GRM4: variants seen among roughly 807,000 people sequenced by gnomAD.
GRM4 encodes glutamate metabotropic receptor 4, also known as metabotropic glutamate receptor 4.
A neutral mutation model predicts 81.7 loss-of-function variants in GRM4; 28 were observed. The ratio of observed to expected loss-of-function variants is 0.34; its 90% CI spans 0.25 to 0.47. The LOEUF is 0.47. Among genes scored for constraint, GRM4 ranks in the 20% least tolerant of loss-of-function variants. The probability of loss-of-function intolerance (pLI) is 1.00; values close to 1 mark genes in which losing one functional copy is unlikely to be tolerated. For missense variants in GRM4, 948 were observed against 1,290.0 expected, an observed-to-expected ratio of 0.73 and a Z score of 4.06; for synonymous variants, 488 against 528.8, an observed-to-expected ratio of 0.92 and a Z score of 1.06.
At chr6:34,137,298 G>A (rs1770499580) in intron 1 of GRM4, among the ~76,000 whole-genome samples, 1 of 152,248 alleles carries the variant, frequency 6.6e-6, no homozygotes, top group South Asian at 2.1e-4. Context: ...GACAGAGCCA[G>A]GCATGGAGGA....
intron 9 of GRM4, among the ~76,000 whole-genome samples, chr6:34,033,593 C>G (rs1215397675): frequency 6.6e-6 from 1 of 152,236 alleles, no homozygotes; most frequent in African/African-American, 2.4e-5. Context: ...CACCCCATCC[C>G]ATGGCTGCCT....
At chr6:34,073,060 A>G (rs1767064522) in intron 3 of GRM4, among the ~76,000 whole-genome samples, 3 of 135,866 alleles carry the variant, frequency 2.2e-5, no homozygotes, top group African/African-American at 8.2e-5. Context: ...ACATCACCAC[A>G]CAGATACACA....
chr6:34,036,583 C>A lies in GRM4; in HGVS notation c.1527G>T (p.Pro509=), dbSNP rs200709219. The A allele has an allele frequency of 3.8e-6, 6 of 1,580,224 alleles. No individual in the cohort carries two copies. In the African/African-American group the frequency reaches 8.1e-5, roughly 21 times the overall value. ...AGCGGGGCAGCTGCTGCCCGCTCCC[C>A]GGCCAGTGCATCCGCTCTATCTGGC... The part of the protein sequence containing the change: ...LHLRIERMHW[P]GSGQQLPRSI... The change falls in exon 9 of 11, where the codon CCG becomes CCT. Residue 509 remains proline, a synonymous_variant. Coordinates refer to ENST00000538487, the MANE Select transcript of GRM4 (RefSeq NM_000841.4). This position sits in a 1 kb window ranked among gnomAD's most constrained non-coding sequence, Gnocchi z 9.0.
At chr6:34,135,564 C>T (rs1268112496) in intron 1 of GRM4, among the ~76,000 whole-genome samples, 2 of 152,248 alleles carry the variant, frequency 1.3e-5, no homozygotes, top group Non-Finnish European at 2.9e-5. Context: ...TCCCCTGGAG[C>T]CAGGAGCCAG....
Position 34,115,477 on chromosome 6 carries a change from C to G in GRM4, c.519+17501G>C, listed in dbSNP as rs988379620. On this transcript the variant is annotated intron_variant, in intron 2 of 10. Transcript: ENST00000538487. The surrounding 1 kb of genome is among the most constrained non-coding windows in gnomAD (Gnocchi z 4.1). ...CACCCCCTGGGAAGCATAACCACCC[C>G]CAAGCCCAAATTGCTGCCCCTTCCC... 6.6e-6 allele frequency among the ~76,000 whole-genome samples: 1 copy of G among 152,230 alleles called. No individual in the cohort carries two copies. The highest frequency in any genetic ancestry group is 1.5e-5 in the Non-Finnish European group (1 of 68,032).
chr6:34,036,373 G>C lies in GRM4; in HGVS notation c.1737C>G (p.Ile579Met), dbSNP rs778302214. 1 of 1,612,704 alleles carries C rather than the reference G, an allele frequency of 6.2e-7. No individual in the cohort carries two copies. The highest frequency in any genetic ancestry group is 1.1e-5 in the South Asian group (1 of 91,028). ...NRTGCRPIPI[I>M]KLEWGSPWAV... ...CCCAGGGCGAGCCCCACTCAAGCTTGATGATGGGGATGGGCCGGCAGCCCG... is the reference window on the plus strand; with the variant it reads ...CCCAGGGCGAGCCCCACTCAAGCTTCATGATGGGGATGGGCCGGCAGCCCG... Residue 579 changes from isoleucine to methionine, a missense_variant, in exon 9 of 11, where the codon ATC (isoleucine) becomes ATG (methionine). Ile to Met is a conservative substitution (Grantham distance 10). Coordinates refer to ENST00000538487, the MANE Select transcript of GRM4 (RefSeq NM_000841.4). This position sits in a 1 kb window ranked among gnomAD's most constrained non-coding sequence, Gnocchi z 9.0.
intron 2 of GRM4, among the ~76,000 whole-genome samples, chr6:34,123,679 C>T (rs1769905841): frequency 1.3e-5 from 2 of 152,362 alleles, no homozygotes; most frequent in African/African-American, 4.8e-5. Context: ...TTCATCCTCA[C>T]AGCACCTATG....
intron 6 of GRM4, chr6:34,056,286 TCCACATCAACC>T (rs1765866696): frequency 1.9e-6 from 1 of 513,416 alleles, no homozygotes; most frequent in Non-Finnish European, 3.5e-6. Context: ...CCTAGGGCCG[TCCACATCAACC>T]CCGAGGCGGC....
intron 1 of GRM4, among the ~76,000 whole-genome samples, chr6:34,135,521 G>A (rs930482619): frequency 1.3e-5 from 2 of 152,226 alleles, no homozygotes; most frequent in Non-Finnish European, 2.9e-5. Context: ...AAGCCCCAGC[G>A]AAGCTGACAG....
chr6:34,040,358 G>A lies in GRM4; in HGVS notation c.1370-44C>T, dbSNP rs777225848. On this transcript the variant is annotated intron_variant, in intron 7 of 10. Transcript: ENST00000538487. The stretch of plus-strand genomic sequence containing the variant: ...GTCTTTGCAGAGCCTTTACCCAGAG[G>A]CAGGGCGGATGATGAGCCTGGGGCA... The A allele has an allele frequency of 1.3e-5, 21 of 1,604,730 alleles. No individual in the cohort carries two copies. In the South Asian group the frequency reaches 2.3e-4, roughly 18 times the overall value.
At position 34,133,279 on chromosome 6, in the gene GRM4, T is replaced by C. The variant is rs750173237; in HGVS notation, c.218A>G (p.Glu73Gly). Reference protein sequence around the residue: ...EGKPCGELKKEKGIHRLEAML... With the variant: ...EGKPCGELKKGKGIHRLEAML... ...GGCCTCCAGCCGGTGGATGCCCTTT[T>C]CCTTCTTAAGTTCTCCACAGGGCTT... is the stretch of plus-strand genomic sequence containing the variant. The change falls in exon 2 of 11, where the codon GAA (glutamate) becomes GGA (glycine). Residue 73 changes from glutamate (E) to glycine (G), a missense_variant. Glu to Gly is a moderately conservative substitution (Grantham distance 98). Transcript: ENST00000538487. The surrounding 1 kb of genome is among the most constrained non-coding windows in gnomAD (Gnocchi z 6.5). 6.2e-7 allele frequency: 1 copy of C among 1,614,142 alleles called. No individual in the cohort carries two copies. Among genetic ancestry groups the C allele is most frequent in the Non-Finnish European group, 8.5e-7 (1 of 1,180,020 alleles).
chr6:34,049,636 C>T (rs538956403), intron 6 of GRM4, among the ~76,000 whole-genome samples: 1 of 152,276 alleles, frequency 6.6e-6, no homozygotes, highest in South Asian at 2.1e-4. Flanking sequence ...TGCCTTCCTT[C>T]CCAGCCTGCT....
intron 3 of GRM4, among the ~76,000 whole-genome samples, chr6:34,071,658 GCA>G (rs1766874986): frequency 1.2e-4 from 1 of 8,620 alleles, no homozygotes. Flanking sequence ...CCATTCATCA[GCA>G]CACAGACGCA....
intron 9 of GRM4, 84 bp from the exon 10 acceptor site, chr6:34,028,450 C>T: frequency 2.1e-6 from 3 of 1,430,122 alleles, no homozygotes; most frequent in East Asian, 2.3e-5. Flanking sequence ...CAGGGACCCA[C>T]CCGGCATCCC....
intron 9 of GRM4, among the ~76,000 whole-genome samples, chr6:34,033,940 T>G (rs141052627): frequency 6.6e-6 from 1 of 152,168 alleles, no homozygotes; most frequent in East Asian, 1.9e-4. Context: ...GGTTTCACCA[T>G]GTTGGTCAGG....
rs1037610365 is a variant in GRM4, at chr6:34,044,163, C to T, written c.1169-3415G>A. On this transcript the variant is annotated intron_variant, in intron 6 of 10. Coordinates refer to ENST00000538487, the MANE Select transcript of GRM4 (RefSeq NM_000841.4). ...ACATACATACACATATATACACATA[C>T]ACACACATATACATACATACACATA... Among the ~76,000 whole-genome samples, 15 of 136,110 alleles carry T rather than the reference C, an allele frequency of 1.1e-4. 1 individual carries two copies. The highest frequency in any genetic ancestry group is 4.5e-4 in the South Asian group (2 of 4,412). The allele number at this position is 136,110 out of a possible 152,430, so 89.3% of individuals were successfully genotyped here.
In GRM4 at chr6:34,092,935, G is replaced by A. The variant is rs879452009; in HGVS notation, c.520-836C>T. Among the ~76,000 whole-genome samples the A allele has an allele frequency of 3.3e-5, 5 of 151,936 alleles. No individual in the cohort carries two copies. Among genetic ancestry groups the A allele is most frequent in the Non-Finnish European group, 4.4e-5 (3 of 67,950 alleles). Reference sequence around the variant, plus strand: ...GGAAGGGGTATGGTCCCTCCTCTCCGCCCCTCCCCTCCAGGGCGCCACCCA... The same window carrying A: ...GGAAGGGGTATGGTCCCTCCTCTCCACCCCTCCCCTCCAGGGCGCCACCCA... On this transcript the variant is annotated intron_variant, in intron 2 of 10. Coordinates refer to ENST00000538487, the MANE Select transcript of GRM4 (RefSeq NM_000841.4). This position sits in a 1 kb window ranked among gnomAD's most constrained non-coding sequence, Gnocchi z 6.8.
At chr6:34,137,746 CATA>C (rs1770517807) in intron 1 of GRM4, among the ~76,000 whole-genome samples, 1 of 142,640 alleles carries the variant, frequency 7.0e-6, no homozygotes, top group South Asian at 2.3e-4. Flanking sequence ...ATCATGCCCA[CATA>C]ATTTTTTTTT....
upstream of GRM4, among the ~76,000 whole-genome samples, chr6:34,146,673 A>C (rs1403881362): frequency 6.6e-6 from 1 of 152,196 alleles, no homozygotes; most frequent in Non-Finnish European, 1.5e-5. Context: ...TGGGGGAAGA[A>C]GGTGGCAGGC....
Sources: gnomAD v4.1 joint callset for allele counts (sites outside exome capture counted in the v4.1 genomes callset) on GRCh38, gnomAD v4.1.1 for gene constraint, Gnocchi (gnomAD v3.1) non-coding constraint, MANE v1.5 for transcripts, NCBI Gene and HGNC (gene_info 2026-07-23, HGNC 2026-07-21) for gene names.